The following DHX57 variants were observed in gnomAD, a reference collection of about 807,000 sequenced individuals.
The protein encoded by DHX57 is putative ATP-dependent RNA helicase DHX57.
A neutral mutation model predicts 156.2 loss-of-function variants in DHX57; 105 were observed. That is an observed-to-expected ratio of 0.67 (90% CI 0.57 to 0.79). The LOEUF is 0.79. Ranked by LOEUF, DHX57 falls within the 30% of genes least tolerant of loss-of-function variation. DHX57 has a pLI of 0.00. For missense variants in DHX57, 1,847 were observed against 1,661.9 expected (o/e 1.11, Z -1.94); for synonymous variants, 704 against 595.6 (o/e 1.18, Z -2.65).
intron 3 of DHX57, 65 bp downstream of exon 3, chr2:38,863,296 C>G: frequency 6.6e-7 from 1 of 1,518,736 alleles, no homozygotes. Context: ...CAAAGATGCA[C>G]AGGACCTTCA....
intron 1 of DHX57, among the ~76,000 whole-genome samples, chr2:38,873,662 T>G (rs1350438118): frequency 6.6e-6 from 1 of 152,258 alleles, no homozygotes; most frequent in Non-Finnish European, 1.5e-5. Flanking sequence ...TGTTCATCTA[T>G]TTATTCATTC....
intron 21 of DHX57, among the ~76,000 whole-genome samples, chr2:38,809,051 C>T (rs1055602067): frequency 1.2e-4 from 19 of 152,162 alleles, no homozygotes; most frequent in African/African-American, 4.3e-4. Context: ...CTATCTTAGC[C>T]TCCCAAGTAA....
chr2:38,815,820 GA>G (rs1670519659), intron 19 of DHX57, 165 bp from the exon 20 acceptor site: 1 of 857,822 alleles, frequency 1.2e-6, no homozygotes, highest in Non-Finnish European at 1.7e-6. Flanking sequence ...TCATTTCCAA[GA>G]AGCAGCTTTC....
intron 9 of DHX57, chr2:38,853,401 G>A (rs911883901): frequency 1.3e-5 from 2 of 152,190 alleles, no homozygotes; most frequent in African/African-American, 4.8e-5. Flanking sequence ...GGGATTATGG[G>A]TGTGAGCCAT....
intron 22 of DHX57, among the ~76,000 whole-genome samples, chr2:38,804,026 C>G (rs1669824064): frequency 1.3e-5 from 2 of 152,176 alleles, no homozygotes; most frequent in South Asian, 4.1e-4. Context: ...AAGTCATCCG[C>G]CCGCCTCGGC....
chr2:38,845,284 T>C (rs1672211187), intron 11 of DHX57, among the ~76,000 whole-genome samples: 2 of 152,058 alleles, frequency 1.3e-5, no homozygotes, highest in East Asian at 3.9e-4. Context: ...GGTAAACTAG[T>C]TGAAAGATGA....
At chr2:38,820,350 T>C (rs1489375868) in intron 17 of DHX57, among the ~76,000 whole-genome samples, 1 of 151,618 alleles carries the variant, frequency 6.6e-6, no homozygotes, top group Non-Finnish European at 1.5e-5. Flanking sequence ...TTCAGATCAC[T>C]AAACGAAGGC....
chr2:38,855,005 T>C (rs779576860), intron 8 of DHX57, 52 bp downstream of exon 8: 58 of 1,609,376 alleles, frequency 3.6e-5, no homozygotes, highest in Non-Finnish European at 4.2e-5. Context: ...AAACTTTTTA[T>C]ACCTAAAAAC....
intron 1 of DHX57, among the ~76,000 whole-genome samples, chr2:38,873,830 A>G (rs1665465273): frequency 6.6e-6 from 1 of 152,220 alleles, no homozygotes; most frequent in African/African-American, 2.4e-5. Flanking sequence ...AAGGAAAAAA[A>G]ACCCCCGAGG....
At chr2:38,862,031 A>C in intron 4 of DHX57, 114 bp downstream of exon 4, 1 of 1,291,340 alleles carries the variant, frequency 7.7e-7, no homozygotes, top group South Asian at 1.6e-5. Flanking sequence ...TAGGCCTATC[A>C]GGCATTGCTG....
Position 38,819,725 on chromosome 2 carries a change from T to C in DHX57, c.3292-581A>G, listed in dbSNP as rs931313229. 2.0e-5 allele frequency among the ~76,000 whole-genome samples: 3 copies of C among 152,232 alleles called. No individual in the cohort carries two copies. In the South Asian group the frequency reaches 6.2e-4, roughly 32 times the overall value. ...CAAAGAGCCACTCATTCTAAAGCTA[T>C]ATCTAAAACCTAACATTCTGTTATC... On this transcript the variant is annotated intron_variant, in intron 17 of 23. Coordinates refer to ENST00000457308, the MANE Select transcript of DHX57 (RefSeq NM_198963.3).
chr2:38,811,982 C>T (rs1025916980), intron 21 of DHX57, among the ~76,000 whole-genome samples: 44 of 152,108 alleles, frequency 2.9e-4, no homozygotes, highest in African/African-American at 9.9e-4. Flanking sequence ...TGGTCTCAAA[C>T]TCCTGAGCTC....
chr2:38,838,082 T>G (rs1671778203), intron 12 of DHX57, 135 bp from the exon 13 acceptor site: 3 of 642,016 alleles, frequency 4.7e-6, no homozygotes, highest in Non-Finnish European at 5.5e-6. Context: ...TAACATTTAA[T>G]GTACTGAAAT....
intron 21 of DHX57, chr2:38,810,758 G>A (rs368576819): frequency 2.8e-5 from 23 of 828,472 alleles, no homozygotes; most frequent in Admixed American, 3.5e-5. Flanking sequence ...TTGATTTTGC[G>A]CACTTCCTGT....
chr2:38,830,592 G>T (rs898785784), intron 13 of DHX57, among the ~76,000 whole-genome samples: 5 of 151,292 alleles, frequency 3.3e-5, no homozygotes, highest in African/African-American at 1.2e-4. Flanking sequence ...CCATGCCATT[G>T]CACTTCACCC....
At chr2:38,801,588 G>C (rs992846770) in intron 23 of DHX57, among the ~76,000 whole-genome samples, 1 of 136,360 alleles carries the variant, frequency 7.3e-6, no homozygotes, top group Non-Finnish European at 1.6e-5. Context: ...TTTTTTTTTT[G>C]TATTTTTATA....
intron 17 of DHX57, among the ~76,000 whole-genome samples, chr2:38,819,618 C>G (rs1670716043): frequency 6.6e-6 from 1 of 152,196 alleles, no homozygotes; most frequent in Admixed American, 6.5e-5. Flanking sequence ...ATGGCAAGCT[C>G]ACAGTCTTTG....
At chr2:38,813,727 C>G (rs530647122) in intron 21 of DHX57, 94 bp downstream of exon 21, 2 of 1,421,770 alleles carry the variant, frequency 1.4e-6, no homozygotes, top group African/African-American at 1.4e-5. Context: ...GCGTATATAT[C>G]TCTTTAAGAT....
At chr2:38,821,293 T>G (rs1003943412) in intron 17 of DHX57, among the ~76,000 whole-genome samples, 1 of 151,992 alleles carries the variant, frequency 6.6e-6, no homozygotes, top group Admixed American at 6.6e-5. Context: ...AAACTTCTAC[T>G]TTAAGACACT....
Sources: allele counts gnomAD v4.1 joint callset (sites outside exome capture counted in the v4.1 genomes callset), GRCh38; gene constraint gnomAD v4.1.1; transcripts MANE v1.5; gene names NCBI Gene and HGNC (gene_info 2026-07-23, HGNC 2026-07-21).